Variants in CAPZB observed in about 807,000 individuals in gnomAD.
The protein encoded by CAPZB is capping actin protein of muscle Z-line subunit beta, also known as F-actin-capping protein subunit beta.
Under a neutral mutation model 38.1 loss-of-function variants are expected in CAPZB, and 2 were observed. The ratio of observed to expected loss-of-function variants is 0.05; its 90% CI spans 0.02 to 0.17. The LOEUF (loss-of-function observed/expected upper bound fraction) is 0.17. Ranked by LOEUF, CAPZB falls within the 10% of genes least tolerant of loss-of-function variation. The probability of loss-of-function intolerance (pLI) is 1.00; values close to 1 mark genes in which losing one functional copy is unlikely to be tolerated. For synonymous variants in CAPZB, 107 were observed against 127.4 expected (o/e 0.84, Z 1.08); for missense variants, 161 against 334.2 (o/e 0.48, Z 4.04).
At chr1:19,423,277 C>T (rs188405335) in intron 1 of CAPZB, among the ~76,000 whole-genome samples, 166 of 152,218 alleles carry the variant, frequency 1.1e-3, no homozygotes, top group African/African-American at 3.9e-3. Flanking sequence ...GCTTTTAAGA[C>T]GTTAAAATTA....
intron 6 of CAPZB, among the ~76,000 whole-genome samples, chr1:19,350,227 C>T (rs1348926649): frequency 2.0e-5 from 3 of 152,302 alleles, no homozygotes; most frequent in East Asian, 1.9e-4. Context: ...CCCCACTCAC[C>T]GGCGCTGAGG....
intron 1 of CAPZB, among the ~76,000 whole-genome samples, chr1:19,482,255 T>A (rs1414096406): frequency 6.6e-6 from 1 of 152,234 alleles, no homozygotes; most frequent in Non-Finnish European, 1.5e-5. Context: ...TTTATAAGCA[T>A]GCCACCAAAA....
intron 6 of CAPZB, among the ~76,000 whole-genome samples, chr1:19,346,470 A>G (rs946665202): frequency 3.0e-5 from 4 of 131,264 alleles, no homozygotes; most frequent in Non-Finnish European, 6.9e-5. Flanking sequence ...AAAAAAAAAA[A>G]AAAAAAAAGA....
chr1:19,459,922 G>A (rs914191166), intron 1 of CAPZB, among the ~76,000 whole-genome samples: 24 of 152,274 alleles, frequency 1.6e-4, no homozygotes, highest in African/African-American at 5.3e-4. Flanking sequence ...TCACACAGTT[G>A]CAGTCCTTGT....
At chr1:19,415,235 C>G (rs921415095) in intron 2 of CAPZB, among the ~76,000 whole-genome samples, 7 of 152,222 alleles carry the variant, frequency 4.6e-5, no homozygotes, top group East Asian at 3.8e-4. Flanking sequence ...CAATCTCCCC[C>G]CCTTCATTAT....
intron 1 of CAPZB, among the ~76,000 whole-genome samples, chr1:19,455,088 G>T (rs2094528801): frequency 1.3e-5 from 2 of 152,266 alleles, no homozygotes; most frequent in African/African-American, 4.8e-5. Context: ...AGGCAGCCTG[G>T]CTGTGGAGAC....
intron 4 of CAPZB, among the ~76,000 whole-genome samples, chr1:19,378,108 T>G (rs1366446475): frequency 6.6e-6 from 1 of 152,210 alleles, no homozygotes; most frequent in Non-Finnish European, 1.5e-5. Flanking sequence ...GACAAATACT[T>G]TAATCTGTGT....
intron 2 of CAPZB, among the ~76,000 whole-genome samples, chr1:19,405,035 T>C (rs1483536800): frequency 1.3e-5 from 2 of 152,130 alleles, no homozygotes; most frequent in Non-Finnish European, 2.9e-5. Context: ...TCTGTCCATA[T>C]ACTGCCACCT....
intron 1 of CAPZB, among the ~76,000 whole-genome samples, chr1:19,455,120 C>A (rs2094528906): frequency 1.3e-5 from 2 of 152,242 alleles, no homozygotes; most frequent in Admixed American, 6.5e-5. Flanking sequence ...AGCTCTGAGA[C>A]ACCCCCAGGA....
At chr1:19,399,972 G>C (rs1309010806) in intron 2 of CAPZB, among the ~76,000 whole-genome samples, 2 of 152,130 alleles carry the variant, frequency 1.3e-5, no homozygotes, top group African/African-American at 2.4e-5. Context: ...GGACACAGAT[G>C]CAAGCAGCTG....
chr1:19,432,736 G>A (rs937855726), intron 1 of CAPZB, among the ~76,000 whole-genome samples: 7 of 152,186 alleles, frequency 4.6e-5, no homozygotes, highest in African/African-American at 1.7e-4. Flanking sequence ...CCAGAGCACT[G>A]AATGACACAG....
rs1307676635 is a variant in CAPZB at position 19,356,202 on chromosome 1, G to A, written c.588+433C>T. On this transcript the variant is annotated intron_variant, in intron 6 of 8. Coordinates refer to ENST00000264202, the MANE Select transcript of CAPZB (RefSeq NM_004930.5). The surrounding 1 kb of genome is among the most constrained non-coding windows in gnomAD (Gnocchi z 4.3). ...TGACAAGCTCTTTGGTGATGCTGATGCTGGTCCTTGGACTACTCTGAGGGC... is the reference window on the plus strand; with the variant it reads ...TGACAAGCTCTTTGGTGATGCTGATACTGGTCCTTGGACTACTCTGAGGGC... Among the ~76,000 whole-genome samples, 15 of 152,360 alleles carry A rather than the reference G, an allele frequency of 9.8e-5. No individual in the cohort carries two copies. Among genetic ancestry groups the A allele is most frequent in the East Asian group, 7.7e-4 (4 of 5,190 alleles).
chr1:19,450,143 CCAAAAAAAAAAAAAAAA>C (rs2094510236), intron 1 of CAPZB, among the ~76,000 whole-genome samples: 1 of 39,042 alleles, frequency 2.6e-5, no homozygotes, highest in Non-Finnish European at 5.2e-5. Context: ...GACCCTGTCT[CCAAAAAAAAAAAAAAAA>C]AAAAAAAAAG....
chr1:19,434,966 A>G (rs531666747), intron 1 of CAPZB, among the ~76,000 whole-genome samples: 1 of 113,664 alleles, frequency 8.8e-6, no homozygotes, highest in South Asian at 3.0e-4. Context: ...AAGTCAGTCA[A>G]AAAGTTTTTT....
rs530369167 is a variant in CAPZB at position 19,478,899 on chromosome 1, T to TA, written c.3+6536dup. The stretch of plus-strand genomic sequence containing the variant: ...TGCCTCGTAGGGCTGGCTGGAATAT[T>TA]AAAAAGTCATCAGTCAAAACTAGCT... On this transcript the variant is annotated intron_variant, in intron 1 of 8. Coordinates refer to ENST00000264202, the MANE Select transcript of CAPZB (RefSeq NM_004930.5). Among the ~76,000 whole-genome samples the TA allele has an allele frequency of 7.2e-5, 11 of 152,098 alleles. 1 individual carries two copies. In the South Asian group the frequency reaches 2.3e-3, roughly 32 times the overall value.
intron 1 of CAPZB, among the ~76,000 whole-genome samples, chr1:19,475,489 C>T (rs183707881): frequency 1.3e-5 from 2 of 152,358 alleles, no homozygotes; most frequent in Admixed American, 1.3e-4. Context: ...CACGGCCAAA[C>T]CCTGACAAGG....
chr1:19,357,378 T>C lies in CAPZB; in HGVS notation c.471+44A>G. 1 of 1,599,274 alleles carries C rather than the reference T, an allele frequency of 6.3e-7. No individual in the cohort carries two copies. Among genetic ancestry groups the C allele is most frequent in the Non-Finnish European group, 8.6e-7 (1 of 1,168,326 alleles). The stretch of plus-strand genomic sequence containing the variant: ...CAGCGCGGCACTGGTTGGTGTGCCA[T>C]CTGTACTTAGTGGCCCGGGCCACCA... On this transcript the variant is annotated intron_variant, in intron 5 of 8. Transcript: ENST00000264202. This position sits in a 1 kb window ranked among gnomAD's most constrained non-coding sequence, Gnocchi z 4.3.
chr1:19,402,870 A>C (rs982779559), intron 2 of CAPZB, among the ~76,000 whole-genome samples: 1 of 152,144 alleles, frequency 6.6e-6, no homozygotes, highest in African/African-American at 2.4e-5. Context: ...CAACATGGTG[A>C]AACTCCATCT....
chr1:19,471,973 T>C (rs1456705768), intron 1 of CAPZB, among the ~76,000 whole-genome samples: 1 of 151,808 alleles, frequency 6.6e-6, no homozygotes, highest in East Asian at 1.9e-4. Context: ...AAAAGTAGGA[T>C]CCTTGAGGAT....
Sources: gnomAD v4.1 joint callset for allele counts (sites outside exome capture counted in the v4.1 genomes callset) on GRCh38, gnomAD v4.1.1 for gene constraint, Gnocchi (gnomAD v3.1) non-coding constraint, MANE v1.5 for transcripts, NCBI Gene and HGNC (gene_info 2026-07-23, HGNC 2026-07-21) for gene names.